RABGAP1L: variants seen among roughly 807,000 people sequenced by gnomAD.
RABGAP1L encodes the protein RAB GTPase activating protein 1 like.
A neutral mutation model predicts 137.7 loss-of-function variants in RABGAP1L; 63 were observed. The ratio of observed to expected loss-of-function variants is 0.46; its 90% CI spans 0.37 to 0.56. The LOEUF (loss-of-function observed/expected upper bound fraction) is 0.56. Among genes scored for constraint, RABGAP1L ranks in the 20% least tolerant of loss-of-function variants. The pLI is 0.00. For missense variants in RABGAP1L, 1,095 were observed against 1,244.0 expected (o/e 0.88, Z 1.80); for synonymous variants, 431 against 433.7 (o/e 0.99, Z 0.08).
intron 1 of RABGAP1L, among the ~76,000 whole-genome samples, chr1:174,195,759 C>CT (rs1667607756): frequency 2.8e-4 from 34 of 121,362 alleles, no homozygotes; most frequent in African/African-American, 1.0e-3. Context: ...TTCTCTCTTT[C>CT]TCTCTTTCTC....
chr1:174,258,384 A>G (rs1284899092), intron 7 of RABGAP1L, among the ~76,000 whole-genome samples: 2 of 152,198 alleles, frequency 1.3e-5, no homozygotes, highest in African/African-American at 4.8e-5. Flanking sequence ...GCCTAGGCTC[A>G]AGCGATCCTC....
chr1:174,560,850 G>A (rs997419256), intron 13 of RABGAP1L, among the ~76,000 whole-genome samples: 17 of 152,234 alleles, frequency 1.1e-4, no homozygotes, highest in African/African-American at 4.1e-4. Context: ...ATTTGCTTAG[G>A]ATAATGGCCT....
At chr1:174,282,782 G>A (rs983585454) in intron 10 of RABGAP1L, among the ~76,000 whole-genome samples, 1 of 152,112 alleles carries the variant, frequency 6.6e-6, no homozygotes, top group African/African-American at 2.4e-5. Context: ...TGTATGTATG[G>A]CATGAAGGCT....
intron 14 of RABGAP1L, among the ~76,000 whole-genome samples, chr1:174,681,273 G>A (rs919798726): frequency 3.9e-5 from 6 of 152,182 alleles, no homozygotes; most frequent in African/African-American, 1.4e-4. Context: ...TATATTTACA[G>A]CTCTATTCAT....
At chr1:174,250,804 T>C (rs1672651559) in intron 6 of RABGAP1L, among the ~76,000 whole-genome samples, 172 bp downstream of exon 6, 1 of 152,246 alleles carries the variant, frequency 6.6e-6, no homozygotes, top group South Asian at 2.1e-4. Flanking sequence ...CTTTCCTTTT[T>C]TTTTTGAGAT....
chr1:174,162,771 C>CTTT (rs1664584682), intron 1 of RABGAP1L, among the ~76,000 whole-genome samples: 5 of 40,790 alleles, frequency 1.2e-4, no homozygotes, highest in East Asian at 8.9e-4. Flanking sequence ...TTTTTTTTCT[C>CTTT]TTTCTGTTTT....
chr1:174,205,224 T>C (rs944302797), intron 1 of RABGAP1L, among the ~76,000 whole-genome samples: 2 of 152,208 alleles, frequency 1.3e-5, no homozygotes, highest in Non-Finnish European at 2.9e-5. Context: ...TGAGGATTTT[T>C]GCGTTGATGT....
At chr1:174,327,402 TG>T (rs1680532795) in intron 11 of RABGAP1L, among the ~76,000 whole-genome samples, 1 of 152,106 alleles carries the variant, frequency 6.6e-6, no homozygotes, top group African/African-American at 2.4e-5. Context: ...ATGGAGTTAG[TG>T]TTTTTTTTGA....
chr1:174,843,040 C>A (rs780176650), intron 19 of RABGAP1L, among the ~76,000 whole-genome samples: 1 of 152,036 alleles, frequency 6.6e-6, no homozygotes, highest in Non-Finnish European at 1.5e-5. Context: ...ACTGTAAAAA[C>A]AATTATTCCA....
intron 1 of RABGAP1L, among the ~76,000 whole-genome samples, chr1:174,175,576 C>T (rs1665773218): frequency 6.7e-6 from 1 of 149,946 alleles, no homozygotes. Flanking sequence ...TCTCCTACCT[C>T]AACCTCCTGA....
chr1:174,790,759 A>G (rs1321355634), intron 18 of RABGAP1L, among the ~76,000 whole-genome samples: 3 of 150,740 alleles, frequency 2.0e-5, no homozygotes, highest in Non-Finnish European at 4.4e-5. Context: ...ATCTATTTGA[A>G]GCCATGAGTG....
intron 19 of RABGAP1L, among the ~76,000 whole-genome samples, chr1:174,899,283 G>T (rs1657744775): frequency 6.6e-6 from 1 of 152,146 alleles, no homozygotes; most frequent in Non-Finnish European, 1.5e-5. Context: ...GGTGAGGAGA[G>T]CTCAGGAGCT....
chr1:174,438,569 T>G (rs919800019), intron 13 of RABGAP1L, among the ~76,000 whole-genome samples: 23 of 151,352 alleles, frequency 1.5e-4, no homozygotes, highest in African/African-American at 5.6e-4. Context: ...AATATAAAAA[T>G]TAGCCAGGCA....
At chr1:174,454,194 C>T (rs1047942749) in intron 13 of RABGAP1L, among the ~76,000 whole-genome samples, 3 of 151,846 alleles carry the variant, frequency 2.0e-5, no homozygotes, top group African/African-American at 7.2e-5. Context: ...ACCCGGGAGG[C>T]GGAGGTTGCA....
At position 174,869,586 on chromosome 1, in the gene RABGAP1L, G is replaced by A. The variant is rs115477393; in HGVS notation, c.2340+57626G>A. Among the ~76,000 whole-genome samples, 441 of 152,218 alleles carry A rather than the reference G, an allele frequency of 2.9e-3. 2 individuals carry two copies. Among genetic ancestry groups the A allele is most frequent in the African/African-American group, 0.01 (421 of 41,536 alleles). On this transcript the variant is annotated intron_variant, in intron 19 of 25. Coordinates refer to ENST00000681986, the MANE Select transcript of RABGAP1L (RefSeq NM_001366446.1). ...TCTTGGGGTTTTTCTTCGTAGCAGT[G>A]TGAAAACGGACTAATACAGATGAGA...
intron 11 of RABGAP1L, among the ~76,000 whole-genome samples, chr1:174,320,461 G>A (rs1262844421): frequency 6.6e-6 from 1 of 152,128 alleles, no homozygotes; most frequent in African/African-American, 2.4e-5. Context: ...TAGATATGCT[G>A]CAGTTTAGTC....
At chr1:174,778,605 T>A (rs1686717994) in intron 18 of RABGAP1L, among the ~76,000 whole-genome samples, 1 of 152,140 alleles carries the variant, frequency 6.6e-6, no homozygotes, top group Non-Finnish European at 1.5e-5. Flanking sequence ...CTTCTGCATT[T>A]TTTTTTTAAG....
At chr1:174,559,629 A>G (rs1667083882) in intron 13 of RABGAP1L, among the ~76,000 whole-genome samples, 1 of 152,226 alleles carries the variant, frequency 6.6e-6, no homozygotes, top group African/African-American at 2.4e-5. Flanking sequence ...ATTGAGTGGA[A>G]GAAATAATTT....
chr1:174,318,882 T>G (rs1446953269), intron 11 of RABGAP1L, among the ~76,000 whole-genome samples: 1 of 152,012 alleles, frequency 6.6e-6, no homozygotes, highest in African/African-American at 2.4e-5. Flanking sequence ...CTCCCATATT[T>G]ACAATTTTTG....
Sources: gnomAD v4.1 joint callset for allele counts (sites outside exome capture counted in the v4.1 genomes callset) on GRCh38, gnomAD v4.1.1 for gene constraint, MANE v1.5 for transcripts, NCBI Gene and HGNC (gene_info 2026-07-23, HGNC 2026-07-21) for gene names.